Variants in METRN observed in about 807,000 individuals in gnomAD.
METRN encodes meteorin, glial cell differentiation regulator.
METRN carries 17 observed loss-of-function variants against 17.4 expected under a neutral mutation model. The observed-to-expected ratio is 0.98, with a 90% CI of 0.67 to 1.46. The LOEUF is 1.46. Ranked by LOEUF, METRN falls within the 40% of genes most tolerant of loss-of-function variation. The probability of loss-of-function intolerance (pLI) is 0.00; values close to 1 mark genes in which losing one functional copy is unlikely to be tolerated. For missense variants in METRN, 489 were observed against 456.2 expected, an observed-to-expected ratio of 1.07 and a Z score of -0.65; for synonymous variants, 230 against 210.8, an observed-to-expected ratio of 1.09 and a Z score of -0.79.
rs1178080253 is a variant in METRN at position 716,293 on chromosome 16, T to G, written c.505+309T>G. ...AGATGGTGGGGACAGAATCGAAGCC[T>G]CCGGCCAAAGCTGTCCGGGGCTCCC... On this transcript the variant is annotated intron_variant, in intron 2 of 3. Coordinates refer to ENST00000568223, the MANE Select transcript of METRN (RefSeq NM_024042.4). 2.9e-6 allele frequency: 4 copies of G among 1,377,070 alleles called. No individual in the cohort carries two copies. In the East Asian group the frequency reaches 1.1e-4, roughly 38 times the overall value. The allele number at this position is 1,377,070 out of a possible 1,614,324, so 85.3% of individuals were successfully genotyped here.
Position 717,205 on chromosome 16 carries a change from ACC to A in METRN, c.701_702del (p.Thr234IlefsTer70). 6.3e-7 allele frequency: 1 copy of A among 1,598,116 alleles called. No individual in the cohort carries two copies. The highest frequency in any genetic ancestry group is 1.3e-5 in the African/African-American group (1 of 74,766). ...GGGGCGATCCGGGGACCAGGGGCTG[ACC>A]TCCATTCGTACCCCACTGCGCTGTG... ...QAGRSGDQGL[T>X]SIRTPLRCGV... On this transcript the variant is annotated frameshift_variant, in exon 4 of 4. Coordinates refer to ENST00000568223, the MANE Select transcript of METRN (RefSeq NM_024042.4). LOFTEE classifies it low-confidence loss of function (END_TRUNC).
In METRN at chr16:716,182, G is replaced by T. The variant is rs1182459288; in HGVS notation, c.505+198G>T. 2.1e-5 allele frequency: 21 copies of T among 985,358 alleles called. 1 individual carries two copies. The African/African-American group carries it at 3.7e-4, about 17-fold the overall frequency. 61.0% of individuals were successfully genotyped at this position (985,358 alleles called of 1,614,324 possible). A position where few individuals can be genotyped will look rare whatever the true frequency, so the allele number is the denominator to read the frequency against. On this transcript the variant is annotated intron_variant, in intron 2 of 3. Coordinates refer to ENST00000568223, the MANE Select transcript of METRN (RefSeq NM_024042.4). ...GCCCTCCCTTCCCGATTCATCTCTG[G>T]AAAGAGCTGGCAGGGGCAGAGTGGA...
At chr16:716,846 C>T (rs1306438151) in intron 2 of METRN, 87 bp from the exon 3 acceptor site, 2 of 1,494,458 alleles carry the variant, frequency 1.3e-6, no homozygotes, top group Non-Finnish European at 1.8e-6. Flanking sequence ...CCTGCTGCCT[C>T]CTGCCGCTTG....
intron 1 of METRN, 71 bp downstream of exon 1, chr16:715,464 C>A: frequency 8.0e-7 from 1 of 1,257,442 alleles, no homozygotes; most frequent in Non-Finnish European, 1.0e-6. Flanking sequence ...AGGCGCCCCT[C>A]GGAGCGCGCA....
At chr16:716,543 C>T in intron 2 of METRN, 1 of 1,529,924 alleles carries the variant, frequency 6.5e-7, no homozygotes. Flanking sequence ...TCTGCCCCCA[C>T]TTCCTATCAC....
At position 717,408 on chromosome 16, in the gene METRN, G is replaced by A; in HGVS notation, c.*21G>A. 7.1e-7 allele frequency: 1 copy of A among 1,408,270 alleles called. No homozygotes were observed. Among genetic ancestry groups the A allele is most frequent in the Non-Finnish European group, 9.2e-7 (1 of 1,086,066 alleles). The allele number at this position is 1,408,270 out of a possible 1,614,324, so 87.2% of individuals were successfully genotyped here. Reference sequence around the variant, plus strand: ...ACTGAGGGGCTGGGTGCTGGGGAGGGGCTGGTAGGAGGGAGGGTGGGCCCA... The same window carrying A: ...ACTGAGGGGCTGGGTGCTGGGGAGGAGCTGGTAGGAGGGAGGGTGGGCCCA... On this transcript the variant is annotated 3_prime_UTR_variant, in exon 4 of 4. Coordinates refer to ENST00000568223, the MANE Select transcript of METRN (RefSeq NM_024042.4).
In METRN at chr16:715,138, G is replaced by T. The variant is rs1415560456; in HGVS notation, c.-152G>T. On this transcript the variant is annotated 5_prime_UTR_variant, in exon 1 of 4. Transcript: ENST00000568223. The stretch of plus-strand genomic sequence containing the variant: ...GCTCCAAGGCGGCCCCGGCGCTGGG[G>T]CTGCGCGGCAGGCGGAGCGGCCGCG... 1.2e-5 allele frequency: 2 copies of T among 165,426 alleles called. No homozygotes were observed. Among genetic ancestry groups the T allele is most frequent in the Non-Finnish European group, 2.4e-5 (2 of 82,186 alleles). 10.2% of individuals were successfully genotyped at this position (165,426 alleles called of 1,614,324 possible). A position where few individuals can be genotyped will look rare whatever the true frequency, so the allele number is the denominator to read the frequency against.
In METRN at chr16:717,368, G is replaced by C. The variant is rs1193397789; in HGVS notation, c.863G>C (p.Cys288Ser). 4.1e-6 allele frequency: 6 copies of C among 1,458,306 alleles called. No individual in the cohort carries two copies. Among genetic ancestry groups the C allele is most frequent in the Non-Finnish European group, 4.5e-6 (5 of 1,107,718 alleles). The allele number at this position is 1,458,306 out of a possible 1,614,324, so 90.3% of individuals were successfully genotyped here. The change falls in exon 4 of 4, where the codon TGC (cysteine) becomes TCC (serine). Residue 288 changes from cysteine to serine, a missense_variant. Physicochemically the swap from Cys to Ser is moderately radical, Grantham distance 112 (BLOSUM62 -1). Coordinates refer to ENST00000568223, the MANE Select transcript of METRN (RefSeq NM_024042.4). The stretch of plus-strand genomic sequence containing the variant: ...GCCCGTGCTGCCCACCTCCACCCCT[G>C]CGAGGTGGCGCTGCACTGAGGGGCT... ...EAARAAHLHP[C>S]EVALH
chr16:717,531 G>A lies in METRN; in HGVS notation c.*144G>A, dbSNP rs1567304392. The A allele has an allele frequency of 2.8e-6, 2 of 708,908 alleles. No homozygotes were observed. The highest frequency in any genetic ancestry group is 3.4e-5 in the East Asian group (1 of 29,586). 43.9% of individuals were successfully genotyped at this position (708,908 alleles called of 1,614,324 possible). ...TCCAGCCCAGCCTTGGGCCTGCCTC[G>A]CAGCTGTGAGGATGGCTCCAATTCC... On this transcript the variant is annotated 3_prime_UTR_variant, in exon 4 of 4. Transcript: ENST00000568223.
chr16:716,930 C>T lies in METRN; in HGVS notation c.506-3C>T, dbSNP rs1596582893. 1.3e-6 allele frequency: 2 copies of T among 1,546,558 alleles called. No homozygotes were observed. Among genetic ancestry groups the T allele is most frequent in the Non-Finnish European group, 1.7e-6 (2 of 1,143,920 alleles). ...TCTCCTCACCACCCCCTCTGCATGC[C>T]AGGTGCCTGCAGGCCCTGCAGCGAC... On this transcript the variant is annotated splice_region_variant and splice_polypyrimidine_tract_variant and intron_variant, in intron 2 of 3. Transcript: ENST00000568223.
Position 715,627 on chromosome 16 carries a change from G to A in METRN, c.148G>A (p.Ala50Thr). Residue 50 changes from alanine to threonine, a missense_variant, in exon 2 of 4, where the codon GCC becomes ACC. Coordinates refer to ENST00000568223, the MANE Select transcript of METRN (RefSeq NM_024042.4). ...EPGSVGQLAL[A>T]CAEGAVEWLY... ...CGGCAGCGTGGGGCAGCTGGCCCTG[G>A]CCTGTGCGGAGGGCGCGGTTGAGTG... is the stretch of plus-strand genomic sequence containing the variant. 1 of 1,434,924 alleles carries A rather than the reference G, an allele frequency of 7.0e-7. No individual in the cohort carries two copies. Among genetic ancestry groups the A allele is most frequent in the Non-Finnish European group, 9.1e-7 (1 of 1,099,324 alleles). The allele number at this position is 1,434,924 out of a possible 1,614,324, so 88.9% of individuals were successfully genotyped here.
intron 3 of METRN, 23 bp from the exon 4 acceptor site, chr16:717,048 C>G (rs536995566): frequency 6.2e-7 from 1 of 1,611,656 alleles, no homozygotes; most frequent in Non-Finnish European, 8.5e-7. Flanking sequence ...GAATGCCTAC[C>G]GCAGCCACAT....
In METRN at chr16:717,165, G is replaced by T. The variant is rs142911512; in HGVS notation, c.660G>T (p.Pro220=). Residue 220 remains proline (P), a synonymous_variant, in exon 4 of 4, where the codon CCG becomes CCT. Transcript: ENST00000568223. ...CCGCCCGTGTCCTCCGCCAGACACC[G>T]CCGCTGTTCCAGGCGGGGCGATCCG... ...VVAARVLRQT[P]PLFQAGRSGD... The T allele has an allele frequency of 6.2e-7, 1 of 1,604,872 alleles. No homozygotes were observed.
intron 2 of METRN, chr16:716,615 G>T: frequency 6.5e-7 from 1 of 1,535,384 alleles, no homozygotes. Context: ...CCCAGATGCT[G>T]GGGTGCATAT....
At position 715,943 on chromosome 16, in the gene METRN, G is replaced by A; in HGVS notation, c.464G>A (p.Arg155His). 2 of 1,497,774 alleles carry A rather than the reference G, an allele frequency of 1.3e-6. No homozygotes were observed. Among genetic ancestry groups the A allele is most frequent in the Non-Finnish European group, 1.8e-6 (2 of 1,130,248 alleles). The allele number at this position is 1,497,774 out of a possible 1,614,324, so 92.8% of individuals were successfully genotyped here. ...CGCTTTGAGCTGCGCGAGGACGGGC[G>A]CCCCGAGCTGCCCCCGCAGGCCCAC... ...AFRFELREDG[R>H]PELPPQAHGL... Residue 155 changes from arginine (R) to histidine (H), a missense_variant, in exon 2 of 4, where the codon CGC becomes CAC. Coordinates refer to ENST00000568223, the MANE Select transcript of METRN (RefSeq NM_024042.4).
chr16:716,268 A>G, intron 2 of METRN: 1 of 985,390 alleles, frequency 1.0e-6, no homozygotes, highest in Non-Finnish European at 1.2e-6. Flanking sequence ...TTGGGGGAAG[A>G]GATGGTGGGG....
chr16:717,211 A>G lies in METRN; in HGVS notation c.706A>G (p.Ile236Val). 3 of 1,596,984 alleles carry G rather than the reference A, an allele frequency of 1.9e-6. No individual in the cohort carries two copies. Among genetic ancestry groups the G allele is most frequent in the African/African-American group, 1.3e-5 (1 of 74,774 alleles). The change falls in exon 4 of 4, where the codon ATT becomes GTT. Residue 236 changes from isoleucine to valine, a missense_variant. Transcript: ENST00000568223. ...GRSGDQGLTS[I>V]RTPLRCGVHP... is the part of the protein sequence containing the mutation. ...ATCCGGGGACCAGGGGCTGACCTCC[A>G]TTCGTACCCCACTGCGCTGTGGCGT...
At chr16:716,636 A>T (rs1390947996) in intron 2 of METRN, 1 of 1,535,318 alleles carries the variant, frequency 6.5e-7, no homozygotes, top group Non-Finnish European at 8.7e-7. Flanking sequence ...GTCAGATGGG[A>T]GTGCAGGAGG....
Position 715,671 on chromosome 16 carries a change from G to T in METRN, c.192G>T (p.Ala64=). 1 of 1,425,458 alleles carries T rather than the reference G, an allele frequency of 7.0e-7. No homozygotes were observed. The highest frequency in any genetic ancestry group is 1.5e-5 in the African/African-American group (1 of 67,054). 88.3% of individuals were successfully genotyped at this position (1,425,458 alleles called of 1,614,324 possible). A position where few individuals can be genotyped will look rare whatever the true frequency, so the allele number is the denominator to read the frequency against. Residue 64 remains alanine, a synonymous_variant, in exon 2 of 4, where the codon GCG becomes GCT. Transcript: ENST00000568223. The part of the protein sequence containing the change: ...GAVEWLYPAG[A]LRLTLGGPDP... ...TTGAGTGGCTGTACCCGGCTGGGGC[G>T]CTGCGCCTGACCCTGGGCGGCCCCG... is the stretch of plus-strand genomic sequence containing the variant.
Sources: allele counts gnomAD v4.1 joint callset, GRCh38; gene constraint gnomAD v4.1.1; transcripts MANE v1.5; gene names NCBI Gene and HGNC (gene_info 2026-07-23, HGNC 2026-07-21).